The following IL1RAPL2 variants were observed in gnomAD, a reference collection of about 807,000 sequenced individuals.
IL1RAPL2 encodes interleukin 1 receptor accessory protein like 2, also known as X-linked interleukin-1 receptor accessory protein-like 2.
Under a neutral mutation model 44.1 loss-of-function variants are expected in IL1RAPL2, and 3 were observed. The observed-to-expected ratio is 0.07, with a 90% CI of 0.03 to 0.18. The LOEUF (loss-of-function observed/expected upper bound fraction) is 0.18, where lower values mean the gene tolerates loss of function less well. IL1RAPL2 is among the 10% of genes least tolerant of loss of function. The probability of loss-of-function intolerance (pLI) is 1.00; values close to 1 mark genes in which losing one functional copy is unlikely to be tolerated. For missense variants in IL1RAPL2, 391 were observed against 496.4 expected (o/e 0.79, Z 2.02); for synonymous variants, 181 against 178.8 (o/e 1.01, Z -0.10).
In IL1RAPL2 at chrX:105,104,887, T is replaced by G. The variant is rs191674795; in HGVS notation, c.83-90588T>G. Among the ~76,000 whole-genome samples the G allele has an allele frequency of 6.1e-3, 688 of 112,274 alleles. 8 individuals carry two copies. Among genetic ancestry groups the G allele is most frequent in the African/African-American group, 0.021 (662 of 30,943 alleles). On this transcript the variant is annotated intron_variant, in intron 2 of 10. Transcript: ENST00000372582. Reference sequence around the variant, plus strand: ...TAATCTTTCCACTTCAAGGCAAGGATAGACCCTGTCACTCTCTAACATTTT... The same window carrying G: ...TAATCTTTCCACTTCAAGGCAAGGAGAGACCCTGTCACTCTCTAACATTTT...
intron 6 of IL1RAPL2, among the ~76,000 whole-genome samples, chrX:105,523,847 C>G (rs978952428): frequency 9.0e-6 from 1 of 110,789 alleles, no homozygotes; most frequent in African/African-American, 3.3e-5. Context: ...ATGCATAAGT[C>G]TCTTGTTAAA....
chrX:105,474,850 G>T (rs973108237), intron 5 of IL1RAPL2, among the ~76,000 whole-genome samples: 1 of 109,371 alleles, frequency 9.1e-6, no homozygotes, highest in Non-Finnish European at 1.9e-5. Context: ...TATTTTGGAT[G>T]TATTTTGAAC....
intron 2 of IL1RAPL2, among the ~76,000 whole-genome samples, chrX:104,822,711 T>G (rs1050925256): frequency 1.8e-5 from 2 of 112,291 alleles, no homozygotes; most frequent in Non-Finnish European, 3.8e-5. Flanking sequence ...CTTTGTTCTT[T>G]TTGCTTAGAA....
chrX:105,092,878 A>T (rs1019004280), intron 2 of IL1RAPL2, among the ~76,000 whole-genome samples: 14 of 110,955 alleles, frequency 1.3e-4, no homozygotes, highest in Non-Finnish European at 2.5e-4. Context: ...CCTGAAAAAC[A>T]ATGCAGTTTT....
chrX:105,352,101 A>G (rs1448161795), intron 5 of IL1RAPL2, among the ~76,000 whole-genome samples: 1 of 108,568 alleles, frequency 9.2e-6, no homozygotes, highest in Non-Finnish European at 1.9e-5. Context: ...TTAAAAAACA[A>G]TTTTTTTTTC....
chrX:105,404,764 G>A (rs895939985), intron 5 of IL1RAPL2, among the ~76,000 whole-genome samples: 4 of 112,050 alleles, frequency 3.6e-5, no homozygotes, highest in Non-Finnish European at 7.5e-5. Flanking sequence ...AGCTTGAGAA[G>A]AAGTTAAAGC....
At chrX:104,813,960 C>T (rs183679367) in intron 2 of IL1RAPL2, among the ~76,000 whole-genome samples, 17 of 111,775 alleles carry the variant, frequency 1.5e-4, no homozygotes, top group Non-Finnish European at 1.9e-5. Context: ...TCACTTCCTT[C>T]CTCCTTGGTC....
intron 2 of IL1RAPL2, among the ~76,000 whole-genome samples, chrX:104,845,858 AG>A (rs1385767859): frequency 1.8e-5 from 2 of 111,820 alleles, no homozygotes; most frequent in Non-Finnish European, 3.8e-5. Flanking sequence ...CTCCATGCCA[AG>A]ATGGATCTGT....
chrX:104,896,078 C>T (rs898555789), intron 2 of IL1RAPL2, among the ~76,000 whole-genome samples: 5 of 111,413 alleles, frequency 4.5e-5, no homozygotes, highest in South Asian at 3.8e-4. Flanking sequence ...AGATGCCACC[C>T]GATGTTTACA....
At chrX:105,369,763 A>G (rs1441610760) in intron 5 of IL1RAPL2, among the ~76,000 whole-genome samples, 2 of 111,216 alleles carry the variant, frequency 1.8e-5, no homozygotes, top group African/African-American at 3.3e-5. Context: ...TAAGGGCTAT[A>G]AAAGTTGAGA....
chrX:105,289,577 A>G (rs1222145827), intron 5 of IL1RAPL2, among the ~76,000 whole-genome samples: 2 of 111,909 alleles, frequency 1.8e-5, no homozygotes, highest in Non-Finnish European at 3.8e-5. Flanking sequence ...TATATTGAAC[A>G]TGGGGTACTA....
chrX:104,809,266 G>A (rs1302815894), intron 2 of IL1RAPL2, among the ~76,000 whole-genome samples: 1 of 111,558 alleles, frequency 9.0e-6, no homozygotes, highest in Non-Finnish European at 1.9e-5. Context: ...TGGGTCAAAT[G>A]GTATTTCTAG....
intron 2 of IL1RAPL2, 74 bp from the exon 3 acceptor site, chrX:105,195,401 G>T: frequency 1.0e-6 from 1 of 988,152 alleles, no homozygotes; most frequent in Non-Finnish European, 1.4e-6. Context: ...GGACATGTTG[G>T]TGATGATTAC....
chrX:105,379,284 C>T (rs1035247788), intron 5 of IL1RAPL2, among the ~76,000 whole-genome samples: 1 of 111,256 alleles, frequency 9.0e-6, no homozygotes. Flanking sequence ...GTCATAAGAA[C>T]AACTCTGTTC....
At chrX:105,189,236 G>T (rs1556135770) in intron 2 of IL1RAPL2, among the ~76,000 whole-genome samples, 1 of 111,872 alleles carries the variant, frequency 8.9e-6, no homozygotes, top group African/African-American at 3.3e-5. Context: ...ATTTATTTTT[G>T]AGACAGAGTC....
chrX:104,591,376 A>G (rs937054439), intron 1 of IL1RAPL2, among the ~76,000 whole-genome samples: 2 of 111,586 alleles, frequency 1.8e-5, no homozygotes, highest in African/African-American at 6.5e-5. Flanking sequence ...ATGCCCCGCT[A>G]GCATGCATGT....
intron 2 of IL1RAPL2, among the ~76,000 whole-genome samples, chrX:104,736,493 C>T (rs2147575330): frequency 8.9e-6 from 1 of 111,877 alleles, no homozygotes; most frequent in South Asian, 3.7e-4. Context: ...GATTTTCACT[C>T]TTTAGTTAAT....
chrX:104,906,535 A>C (rs1306912495), intron 2 of IL1RAPL2, among the ~76,000 whole-genome samples: 1 of 111,531 alleles, frequency 9.0e-6, no homozygotes, highest in Non-Finnish European at 1.9e-5. Context: ...AATTTTGTCA[A>C]AGGCCTTTTC....
At chrX:105,350,716 C>T (rs1165240980) in intron 5 of IL1RAPL2, among the ~76,000 whole-genome samples, 1 of 112,072 alleles carries the variant, frequency 8.9e-6, no homozygotes, top group African/African-American at 3.2e-5. Flanking sequence ...AAGAGCAAAA[C>T]TCTTGTCTCA....
Sources: gnomAD v4.1 joint callset for allele counts (sites outside exome capture counted in the v4.1 genomes callset) on GRCh38, gnomAD v4.1.1 for gene constraint, MANE v1.5 for transcripts, NCBI Gene and HGNC (gene_info 2026-07-23, HGNC 2026-07-21) for gene names.